XG: variants seen among roughly 807,000 people sequenced by gnomAD.
XG encodes the protein glycoprotein Xg.
In XG, 24 loss-of-function variants were observed where a neutral mutation model predicts 25.7. That is an observed-to-expected ratio of 0.93 (90% CI 0.68 to 1.31). The LOEUF is 1.31. Ranked by LOEUF, XG falls within the 40% of genes most tolerant of loss-of-function variation. The pLI, the probability that XG is intolerant of heterozygous loss-of-function variation, is 0.00. For synonymous variants in XG, 77 were observed against 69.2 expected (o/e 1.11, Z -0.56); for missense variants, 181 against 187.6 (o/e 0.96, Z 0.21).
chrX:2,813,982 G>C (rs747125902), intron 10 of XG, among the ~76,000 whole-genome samples: 9 of 112,305 alleles, frequency 8.0e-5, no homozygotes, highest in Admixed American at 2.8e-4. Context: ...TTGAGGTATA[G>C]TTGACAAATA....
Position 2,770,601 on chromosome X carries a change from G to A in XG, c.103+10G>A, listed in dbSNP as rs200648737. ...GCCCTTGATGACCCTGGTAAGTGCC[G>A]ATATTTCAAGGGGAGCCTTCCCTTT... is the stretch of plus-strand genomic sequence containing the variant. On this transcript the variant is annotated intron_variant, in intron 2 of 10. Transcript: ENST00000644266. 1.9e-6 allele frequency: 3 copies of A among 1,613,732 alleles called. No individual in the cohort carries two copies. Among genetic ancestry groups the A allele is most frequent in the East Asian group, 2.2e-5 (1 of 44,878 alleles).
intron 4 of XG, among the ~76,000 whole-genome samples, chrX:2,787,350 A>G (rs982824970): frequency 9.0e-6 from 1 of 111,653 alleles, no homozygotes; most frequent in Non-Finnish European, 1.9e-5. Flanking sequence ...AGGCCTCAGG[A>G]GTAAGCCCAG....
intron 5 of XG, among the ~76,000 whole-genome samples, chrX:2,794,074 G>A (rs2086861049): frequency 9.0e-6 from 1 of 110,844 alleles, no homozygotes; most frequent in Non-Finnish European, 1.9e-5. Context: ...AGGTGATGTT[G>A]GCTCATCCAG....
chrX:2,757,930 C>T (rs747346617), intron 1 of XG, among the ~76,000 whole-genome samples: 118 of 141,370 alleles, frequency 8.3e-4, no homozygotes, highest in African/African-American at 2.8e-3. Flanking sequence ...TGAGATCATA[C>T]CACTGCACTC....
rs774079349 is a variant in XG, at chrX:2,794,579, A to G, written c.298A>G (p.Arg100Gly). The G allele has an allele frequency of 1.7e-6, 2 of 1,211,584 alleles. No homozygotes were observed. The highest frequency in any genetic ancestry group is 3.5e-5 in the South Asian group (2 of 56,870). Residue 100 changes from arginine to glycine, a missense_variant, in exon 6 of 11, where the codon AGG becomes GGG. By Grantham distance (125) the Arg-to-Gly change is moderately radical. Coordinates refer to ENST00000644266, the MANE Select transcript of XG (RefSeq NM_001141919.2). ...VDRDDGRYPP[R>G]PRPRPPAGGG... Reference sequence around the variant, plus strand: ...CCGTGATGACGGACGCTACCCGCCCAGGCCCAGGCCACGGCCGCCTGCAGG... The same window carrying G: ...CCGTGATGACGGACGCTACCCGCCCGGGCCCAGGCCACGGCCGCCTGCAGG...
chrX:2,755,211 A>T (rs1420684404), intron 1 of XG, among the ~76,000 whole-genome samples: 1 of 152,254 alleles, frequency 6.6e-6, no homozygotes, highest in Non-Finnish European at 1.5e-5. Context: ...CAAGTTTATT[A>T]GGAAAGTAAA....
chrX:2,788,157 C>T (rs745325702), intron 4 of XG, among the ~76,000 whole-genome samples: 37 of 112,237 alleles, frequency 3.3e-4, no homozygotes, highest in Admixed American at 4.7e-4. Flanking sequence ...GCCCAGATTT[C>T]CAGTGTTCTG....
chrX:2,786,970 C>T (rs113922957), intron 4 of XG, among the ~76,000 whole-genome samples: 6,232 of 108,016 alleles, frequency 0.058, 138 homozygotes, highest in African/African-American at 0.073. Context: ...GCCACCCAGT[C>T]TATGGTGTTC....
At chrX:2,773,448 G>A (rs1176591508) in intron 2 of XG, among the ~76,000 whole-genome samples, 1 of 140,622 alleles carries the variant, frequency 7.1e-6, no homozygotes, top group African/African-American at 2.6e-5. Flanking sequence ...GGAGGGTGGG[G>A]AGGAAGGAAA....
At chrX:2,772,025 G>C (rs1306551837) in intron 2 of XG, among the ~76,000 whole-genome samples, 1 of 152,138 alleles carries the variant, frequency 6.6e-6, no homozygotes, top group Admixed American at 6.5e-5. Context: ...GGAAGCATTG[G>C]GGGATTATCT....
chrX:2,761,823 T>C (rs1315439516), intron 1 of XG, among the ~76,000 whole-genome samples: 2 of 152,150 alleles, frequency 1.3e-5, no homozygotes, highest in African/African-American at 4.8e-5. Context: ...GAACCGGCCC[T>C]GCCCACACCT....
rs936556623 is a variant in XG, at chrX:2,775,796, A to G, written c.127+1057A>G. On this transcript the variant is annotated intron_variant, in intron 3 of 10. Transcript: ENST00000644266. The stretch of plus-strand genomic sequence containing the variant: ...CATGGTGAAACCTGGTCTCTACTAA[A>G]TATAAAAAAATTAGCTGGGCATGAT... 2.0e-4 allele frequency among the ~76,000 whole-genome samples: 31 copies of G among 151,494 alleles called. 1 individual carries two copies. The highest frequency in any genetic ancestry group is 7.3e-4 in the African/African-American group (30 of 41,240).
chrX:2,761,905 A>G (rs1395505198), intron 1 of XG, among the ~76,000 whole-genome samples: 8 of 152,118 alleles, frequency 5.3e-5, no homozygotes, highest in Non-Finnish European at 1.2e-4. Flanking sequence ...AGTCTTTGGG[A>G]TTGCATTGTA....
At chrX:2,802,161 CTTTT>C (rs1006671597) in intron 7 of XG, among the ~76,000 whole-genome samples, 1 of 110,181 alleles carries the variant, frequency 9.1e-6, no homozygotes, top group African/African-American at 3.3e-5. Context: ...GGAGGTTTTG[CTTTT>C]TTTTCTTTAA....
intron 1 of XG, among the ~76,000 whole-genome samples, chrX:2,759,262 G>C (rs1603302791): frequency 2.0e-5 from 3 of 152,208 alleles, no homozygotes; most frequent in African/African-American, 4.8e-5. Context: ...CCATGACAGA[G>C]AGTTACGCAG....
At chrX:2,764,421 C>T (rs1440288617) in intron 1 of XG, among the ~76,000 whole-genome samples, 1 of 152,140 alleles carries the variant, frequency 6.6e-6, no homozygotes, top group Non-Finnish European at 1.5e-5. Context: ...GGTCTGATTC[C>T]AGACCTCTTT....
intron 4 of XG, among the ~76,000 whole-genome samples, chrX:2,788,235 C>T (rs2086803635): frequency 8.9e-6 from 1 of 112,358 alleles, no homozygotes; most frequent in African/African-American, 3.2e-5. Flanking sequence ...AAAGTAATTT[C>T]ACTCTTGAGC....
intron 10 of XG, among the ~76,000 whole-genome samples, chrX:2,811,885 C>T (rs997997059): frequency 5.4e-5 from 6 of 111,854 alleles, no homozygotes; most frequent in African/African-American, 2.0e-4. Flanking sequence ...CGTGAGCCAC[C>T]GTGCCTGGCC....
chrX:2,776,803 T>G (rs1329458723), intron 3 of XG, among the ~76,000 whole-genome samples: 2 of 150,904 alleles, frequency 1.3e-5, no homozygotes, highest in Non-Finnish European at 1.5e-5. Context: ...AGCCGAGATC[T>G]CCCACTGCAC....
Sources: allele counts gnomAD v4.1 joint callset (sites outside exome capture counted in the v4.1 genomes callset), GRCh38; gene constraint gnomAD v4.1.1; transcripts MANE v1.5; gene names NCBI Gene and HGNC (gene_info 2026-07-23, HGNC 2026-07-21).